The following LRBA variants were observed in gnomAD, a reference collection of about 807,000 sequenced individuals.
LRBA encodes the protein LPS responsive beige-like anchor protein.
A neutral mutation model predicts 330.0 loss-of-function variants in LRBA; 176 were observed. The ratio of observed to expected loss-of-function variants is 0.53; its 90% CI spans 0.47 to 0.60. The LOEUF (loss-of-function observed/expected upper bound fraction) is 0.60. Among genes scored for constraint, LRBA ranks in the 20% least tolerant of loss-of-function variants. The probability of loss-of-function intolerance (pLI) is 0.00; values close to 1 mark genes in which losing one functional copy is unlikely to be tolerated. For missense variants in LRBA, 3,259 were observed against 3,444.8 expected, an observed-to-expected ratio of 0.95 and a Z score of 1.35; for synonymous variants, 1,230 against 1,193.0, an observed-to-expected ratio of 1.03 and a Z score of -0.64.
chr4:150,982,898 G>A (rs910305256), intron 2 of LRBA, among the ~76,000 whole-genome samples: 4 of 152,096 alleles, frequency 2.6e-5, no homozygotes, highest in Non-Finnish European at 4.4e-5. Flanking sequence ...TACACAAAAG[G>A]TGCAGAACTG....
chr4:150,954,817 C>A (rs938229951), intron 2 of LRBA, among the ~76,000 whole-genome samples: 195 of 45,310 alleles, frequency 4.3e-3, no homozygotes, highest in East Asian at 0.011. Flanking sequence ...ACTCAGAAAT[C>A]AAAAAAAAAA....
chr4:150,882,883 C>G (rs1188519058), intron 17 of LRBA, among the ~76,000 whole-genome samples: 1 of 152,104 alleles, frequency 6.6e-6, no homozygotes, highest in African/African-American at 2.4e-5. Context: ...AGTTCAATAT[C>G]AGAGCTAATG....
intron 13 of LRBA, among the ~76,000 whole-genome samples, chr4:150,901,126 C>G (rs1210235371): frequency 6.6e-6 from 1 of 151,828 alleles, no homozygotes; most frequent in African/African-American, 2.4e-5. Flanking sequence ...CGTGAAACTT[C>G]GTCTCTACCA....
intron 2 of LRBA, among the ~76,000 whole-genome samples, chr4:150,955,616 G>A (rs1737462311): frequency 6.8e-6 from 1 of 148,134 alleles, no homozygotes; most frequent in Non-Finnish European, 1.5e-5. Flanking sequence ...CGTAGGCCGG[G>A]CGCCGTGGCT....
At chr4:150,939,513 T>C (rs1735444625) in intron 2 of LRBA, among the ~76,000 whole-genome samples, 1 of 152,208 alleles carries the variant, frequency 6.6e-6, no homozygotes, top group South Asian at 2.1e-4. Flanking sequence ...ACACTTATCT[T>C]AGACTTCTAG....
At chr4:150,511,792 C>A (rs1449818326) in intron 40 of LRBA, among the ~76,000 whole-genome samples, 1 of 152,190 alleles carries the variant, frequency 6.6e-6, no homozygotes, top group Non-Finnish European at 1.5e-5. Context: ...CAGTCAAAAT[C>A]ACATAACTAG....
chr4:150,575,610 A>G (rs1770441870), intron 40 of LRBA, among the ~76,000 whole-genome samples: 1 of 152,056 alleles, frequency 6.6e-6, no homozygotes, highest in South Asian at 2.1e-4. Flanking sequence ...ATATGACCTG[A>G]AAGAAATAGC....
intron 28 of LRBA, among the ~76,000 whole-genome samples, chr4:150,838,599 T>A (rs1243904460): frequency 6.6e-6 from 1 of 152,220 alleles, no homozygotes; most frequent in Non-Finnish European, 1.5e-5. Flanking sequence ...CTGAAGCTTG[T>A]GCATTTGTCA....
At chr4:150,546,750 G>A (rs773678770) in intron 40 of LRBA, among the ~76,000 whole-genome samples, 3 of 152,162 alleles carry the variant, frequency 2.0e-5, no homozygotes, top group Admixed American at 6.5e-5. Flanking sequence ...ATGACGATTA[G>A]TTGTTTCACA....
intron 56 of LRBA, among the ~76,000 whole-genome samples, chr4:150,266,154 C>A (rs1050501296): frequency 8.6e-5 from 13 of 151,978 alleles, no homozygotes. Flanking sequence ...CTGGCAAGAC[C>A]CATCCATTAT....
chr4:150,869,311 T>C (rs942105372), intron 20 of LRBA, among the ~76,000 whole-genome samples: 4 of 152,208 alleles, frequency 2.6e-5, no homozygotes, highest in African/African-American at 4.8e-5. Context: ...TTAAAACCTA[T>C]TCAACATCCC....
At chr4:150,518,535 C>T (rs905827481) in intron 40 of LRBA, among the ~76,000 whole-genome samples, 3 of 152,122 alleles carry the variant, frequency 2.0e-5, no homozygotes, top group African/African-American at 7.2e-5. Context: ...GCTCAACCTG[C>T]TTACCTTTTT....
chr4:150,468,605 T>C (rs1190929456), intron 43 of LRBA, among the ~76,000 whole-genome samples: 3 of 152,156 alleles, frequency 2.0e-5, no homozygotes, highest in Non-Finnish European at 4.4e-5. Flanking sequence ...CCAGTTCCTA[T>C]TTACTAGTCT....
At chr4:150,703,719 GATAC>G (rs1785336129) in intron 36 of LRBA, among the ~76,000 whole-genome samples, 1 of 152,078 alleles carries the variant, frequency 6.6e-6, no homozygotes, top group African/African-American at 2.4e-5. Context: ...TAAGAGAAGT[GATAC>G]ATACAAACCA....
intron 37 of LRBA, among the ~76,000 whole-genome samples, chr4:150,667,171 A>G (rs1414271705): frequency 2.0e-5 from 3 of 152,330 alleles, no homozygotes; most frequent in Non-Finnish European, 2.9e-5. Flanking sequence ...GCTAGGCTGA[A>G]TAACAGCCTC....
At chr4:150,920,402 A>G (rs1414259085) in intron 5 of LRBA, among the ~76,000 whole-genome samples, 1 of 152,174 alleles carries the variant, frequency 6.6e-6, no homozygotes, top group Non-Finnish European at 1.5e-5. Flanking sequence ...TACAAAAATT[A>G]GTCAGGCGTG....
intron 37 of LRBA, among the ~76,000 whole-genome samples, chr4:150,651,243 A>G (rs1779680404): frequency 6.6e-6 from 1 of 152,196 alleles, no homozygotes; most frequent in African/African-American, 2.4e-5. Context: ...ACACCTTGGT[A>G]TGAAGCCAGT....
chr4:150,352,932 C>T (rs1737370890), intron 47 of LRBA, among the ~76,000 whole-genome samples: 4 of 152,146 alleles, frequency 2.6e-5, no homozygotes, highest in Admixed American at 2.6e-4. Flanking sequence ...ACTTAAATGG[C>T]AATTTATATC....
At chr4:150,499,932 TGGAAAGTGAGGTGGGAAGCAA>T (rs1241749158) in intron 40 of LRBA, among the ~76,000 whole-genome samples, 76 of 151,834 alleles carry the variant, frequency 5.0e-4, no homozygotes, top group Admixed American at 2.5e-3. Context: ...TACTAGAGGT[TGGAAAGTGAGGTGGGAAGCAA>T]GGAAAGTGAG....
Sources: allele counts gnomAD v4.1 joint callset (sites outside exome capture counted in the v4.1 genomes callset), GRCh38; gene constraint gnomAD v4.1.1; transcripts MANE v1.5; gene names NCBI Gene and HGNC (gene_info 2026-07-23, HGNC 2026-07-21).